Variants in ASAH2B observed in about 807,000 individuals in gnomAD.
ASAH2B encodes N-acylsphingosine amidohydrolase 2B, also known as putative inactive neutral ceramidase B.
A neutral mutation model predicts 2.9 loss-of-function variants in ASAH2B; 1 was observed. That is an observed-to-expected ratio of 0.34 (90% confidence interval 0.12 to 1.63). The LOEUF is 1.63. Among genes scored for constraint, ASAH2B ranks in the 40% most tolerant of loss-of-function variants. The probability of loss-of-function intolerance (pLI) is 0.36; values close to 1 mark genes in which losing one functional copy is unlikely to be tolerated. For missense variants in ASAH2B, 9 were observed against 37.7 expected (o/e 0.24, Z 1.99); for synonymous variants, 4 against 13.3 (o/e 0.30, Z 1.52).
chr10:50,753,041 A>T (rs1588934356), intron 5 of ASAH2B, among the ~76,000 whole-genome samples: 1 of 142,588 alleles, frequency 7.0e-6, no homozygotes. Context: ...ACTCTTAATG[A>T]CTTGAGTGAG....
intron 4 of ASAH2B, among the ~76,000 whole-genome samples, chr10:50,751,593 A>G (rs1185278413): frequency 6.6e-6 from 1 of 151,770 alleles, no homozygotes; most frequent in Non-Finnish European, 1.5e-5. Flanking sequence ...AATGTAATTC[A>G]TCAGTTGAAT....
intron 1 of ASAH2B, among the ~76,000 whole-genome samples, chr10:50,740,336 A>G (rs576388495): frequency 6.6e-6 from 1 of 152,262 alleles, no homozygotes; most frequent in African/African-American, 2.4e-5. Flanking sequence ...CTTCGGAACT[A>G]AAATATAGTA....
At chr10:50,748,192 G>A (rs564098014) in intron 3 of ASAH2B, among the ~76,000 whole-genome samples, 26 of 121,604 alleles carry the variant, frequency 2.1e-4, no homozygotes, top group African/African-American at 6.8e-4. Flanking sequence ...ATTTGTTGGT[G>A]TAATATAAAA....
intron 1 of ASAH2B, among the ~76,000 whole-genome samples, chr10:50,740,520 C>T (rs561305076): frequency 6.6e-6 from 1 of 152,252 alleles, no homozygotes; most frequent in African/African-American, 2.4e-5. Context: ...TTCTGTGCTC[C>T]AGTAGCACCC....
intron 3 of ASAH2B, among the ~76,000 whole-genome samples, chr10:50,747,625 A>G (rs1839927348): frequency 6.6e-6 from 1 of 151,248 alleles, no homozygotes; most frequent in Non-Finnish European, 1.5e-5. Context: ...TTTGTCAGAA[A>G]TCAGTGTTGG....
Position 50,757,312 on chromosome 10 carries a change from A to G in ASAH2B, c.*2572A>G, listed in dbSNP as rs931604257. 24 of 151,784 alleles carry G rather than the reference A, an allele frequency of 1.6e-4. No individual in the cohort carries two copies. Among genetic ancestry groups the G allele is most frequent in the African/African-American group, 5.8e-4 (24 of 41,400 alleles). The allele number at this position is 151,784 out of a possible 1,614,324, so 9.4% of individuals were successfully genotyped here. ...TGATACAAATGACTTGTAAATAACC[A>G]CTGAAGCACAAGGGAACCACTTCTT... On this transcript the variant is annotated 3_prime_UTR_variant, in exon 6 of 6. Transcript: ENST00000647317.
intron 3 of ASAH2B, among the ~76,000 whole-genome samples, chr10:50,748,266 C>T (rs1324462714): frequency 1.1e-5 from 1 of 92,678 alleles, no homozygotes; most frequent in Non-Finnish European, 2.7e-5. Flanking sequence ...ACAATTATAT[C>T]CCCTCTTTCT....
intron 1 of ASAH2B, among the ~76,000 whole-genome samples, chr10:50,740,868 A>G (rs1490683541): frequency 6.6e-6 from 1 of 152,236 alleles, no homozygotes; most frequent in East Asian, 1.9e-4. Flanking sequence ...GGCATCATTT[A>G]GAACCAGTCA....
chr10:50,742,942 A>G lies in ASAH2B; in HGVS notation c.-72A>G, dbSNP rs1252817362. On this transcript the variant is annotated 5_prime_UTR_variant, in exon 2 of 6. Coordinates refer to ENST00000647317, the MANE Select transcript of ASAH2B (RefSeq NM_001321958.2). ...TCAGCGATATGAGGCAGCATCGACA[A>G]TTTATGGACCGCACGCATTATCTGC... The G allele has an allele frequency of 6.2e-7, 1 of 1,614,038 alleles. No individual in the cohort carries two copies. Among genetic ancestry groups the G allele is most frequent in the East Asian group, 2.2e-5 (1 of 44,882 alleles).
Position 50,758,675 on chromosome 10 carries a change from A to G in ASAH2B, c.*3935A>G, listed in dbSNP as rs1310621434. 6.6e-6 allele frequency: 1 copy of G among 152,152 alleles called. No individual in the cohort carries two copies. Among genetic ancestry groups the G allele is most frequent in the Non-Finnish European group, 1.5e-5 (1 of 67,982 alleles). The allele number at this position is 152,152 out of a possible 1,614,324, so 9.4% of individuals were successfully genotyped here. A position where few individuals can be genotyped will look rare whatever the true frequency, so the allele number is the denominator to read the frequency against. On this transcript the variant is annotated 3_prime_UTR_variant, in exon 6 of 6. Transcript: ENST00000647317. ...AAAAAATTGCTTTCTGTATTGCAAAATGTATACGTTCCTTTAACAGATTTA... is the reference window on the plus strand; with the variant it reads ...AAAAAATTGCTTTCTGTATTGCAAAGTGTATACGTTCCTTTAACAGATTTA...
intron 3 of ASAH2B, among the ~76,000 whole-genome samples, chr10:50,745,771 C>A (rs1438309236): frequency 1.4e-5 from 2 of 147,210 alleles, no homozygotes; most frequent in Non-Finnish European, 3.0e-5. Context: ...TTCTATATTT[C>A]TTTTCTAAAT....
chr10:50,743,249 G>A (rs4445583), intron 2 of ASAH2B, among the ~76,000 whole-genome samples: 113,734 of 151,684 alleles, frequency 0.75, 44,700 homozygotes, highest in East Asian at 0.97. Flanking sequence ...TCTTTCATAT[G>A]TATTTTCTCA....
rs1399089634 is a variant in ASAH2B at position 50,755,861 on chromosome 10, C to T, written c.*1121C>T. ...ATTTAATATGTAAATTCTGGGGAGG[C>T]ATTTAAAAAATCAGTAATCTTCAAG... is the stretch of plus-strand genomic sequence containing the variant. On this transcript the variant is annotated 3_prime_UTR_variant, in exon 6 of 6. Transcript: ENST00000647317. 2 of 151,766 alleles carry T rather than the reference C, an allele frequency of 1.3e-5. No individual in the cohort carries two copies. Among genetic ancestry groups the T allele is most frequent in the African/African-American group, 4.8e-5 (2 of 41,390 alleles). The allele number at this position is 151,766 out of a possible 1,614,324, so 9.4% of individuals were successfully genotyped here.
chr10:50,740,424 A>G (rs7074369), intron 1 of ASAH2B, among the ~76,000 whole-genome samples: 62,308 of 151,772 alleles, frequency 0.41, 14,562 homozygotes, highest in Admixed American at 0.57. Context: ...CCTAACTCCC[A>G]GCCGGTGTTC....
intron 1 of ASAH2B, among the ~76,000 whole-genome samples, chr10:50,741,545 G>T (rs573641862): frequency 5.8e-4 from 88 of 152,342 alleles, no homozygotes; most frequent in Middle Eastern, 3.4e-3. Context: ...TGTAACATCT[G>T]TATGAGTTCT....
Position 50,754,896 on chromosome 10 carries a change from G to C in ASAH2B, c.*156G>C. The C allele has an allele frequency of 2.1e-5, 1 of 47,814 alleles. No individual in the cohort carries two copies. Among genetic ancestry groups the C allele is most frequent in the South Asian group, 1.9e-4 (1 of 5,276 alleles). 3.0% of individuals were successfully genotyped at this position (47,814 alleles called of 1,614,324 possible). On this transcript the variant is annotated 3_prime_UTR_variant, in exon 6 of 6. Transcript: ENST00000647317. ...TACTGCTAATGGGGTGGAGGGGTGT[G>C]TGTGTGTGTGTGTGTGTGTGTGTGT...
chr10:50,747,306 C>T (rs991390743), intron 3 of ASAH2B, among the ~76,000 whole-genome samples: 7 of 151,334 alleles, frequency 4.6e-5, no homozygotes, highest in Admixed American at 4.6e-4. Flanking sequence ...AATGTGAGGG[C>T]TTATTTCTGG....
At chr10:50,747,401 T>A (rs1440245349) in intron 3 of ASAH2B, among the ~76,000 whole-genome samples, 1 of 151,352 alleles carries the variant, frequency 6.6e-6, no homozygotes, top group Admixed American at 6.6e-5. Flanking sequence ...CTTTGTAGTA[T>A]ATTTTGAAGT....
intron 3 of ASAH2B, among the ~76,000 whole-genome samples, chr10:50,747,682 T>C (rs922329797): frequency 7.6e-4 from 116 of 151,898 alleles, no homozygotes; most frequent in Non-Finnish European, 2.2e-4. Context: ...GGTTTTGTCT[T>C]TTGTTATTTT....
Sources: allele counts gnomAD v4.1 joint callset (sites outside exome capture counted in the v4.1 genomes callset), GRCh38; gene constraint gnomAD v4.1.1; transcripts MANE v1.5; gene names NCBI Gene and HGNC (gene_info 2026-07-23, HGNC 2026-07-21).